Variants in MRPS27 observed in about 807,000 individuals in gnomAD.
MRPS27 encodes the protein small ribosomal subunit protein mS27.
MRPS27 carries 43 observed loss-of-function variants against 48.9 expected under a neutral mutation model. That is an observed-to-expected ratio of 0.88 (90% CI 0.69 to 1.13). The LOEUF is 1.13. Ranked by LOEUF, MRPS27 falls within the 50% of genes most tolerant of loss-of-function variation. The pLI, the probability that MRPS27 is intolerant of heterozygous loss-of-function variation, is 0.00. For synonymous variants in MRPS27, 188 were observed against 171.9 expected (o/e 1.09, Z -0.73); for missense variants, 467 against 476.3 (o/e 0.98, Z 0.18).
chr5:72,288,060 T>C (rs1192411370), intron 4 of MRPS27, among the ~76,000 whole-genome samples: 5 of 152,178 alleles, frequency 3.3e-5, no homozygotes, highest in African/African-American at 1.2e-4. Flanking sequence ...ATCTAAGGTA[T>C]GAGATCATTC....
intron 4 of MRPS27, among the ~76,000 whole-genome samples, chr5:72,249,782 C>G (rs113348475): frequency 0.011 from 1,661 of 152,028 alleles, 29 homozygotes; most frequent in African/African-American, 0.038. Flanking sequence ...GAGACAGAGA[C>G]CATCCTGGCT....
chr5:72,296,747 A>AG (rs1749992960), intron 3 of MRPS27, among the ~76,000 whole-genome samples: 2 of 152,216 alleles, frequency 1.3e-5, no homozygotes, highest in Non-Finnish European at 2.9e-5. Flanking sequence ...GATTCAAAAG[A>AG]AAGGTAATTT....
chr5:72,319,283 T>A (rs1008108873), intron 1 of MRPS27, among the ~76,000 whole-genome samples: 3 of 152,196 alleles, frequency 2.0e-5, no homozygotes, highest in African/African-American at 7.2e-5. Context: ...AGTTCAGATA[T>A]CAAAGTATTT....
At chr5:72,257,683 T>C (rs1748845406) in intron 4 of MRPS27, among the ~76,000 whole-genome samples, 1 of 152,088 alleles carries the variant, frequency 6.6e-6, no homozygotes, top group South Asian at 2.1e-4. Context: ...ATTGCAGACG[T>C]GGTGGTAAAA....
At chr5:72,267,317 ATAT>A in intron 4 of MRPS27, among the ~76,000 whole-genome samples, 3 of 152,220 alleles carry the variant, frequency 2.0e-5, no homozygotes, top group African/African-American at 4.8e-5. Context: ...AAATAAGTTC[ATAT>A]AACATATGAA....
At chr5:72,248,978 T>G (rs1269907222) in intron 4 of MRPS27, among the ~76,000 whole-genome samples, 2 of 152,204 alleles carry the variant, frequency 1.3e-5, no homozygotes, top group East Asian at 3.8e-4. Context: ...TACACTGAGT[T>G]CGAAGGGGTG....
chr5:72,270,338 C>G (rs1281163280), intron 4 of MRPS27, among the ~76,000 whole-genome samples: 1 of 150,748 alleles, frequency 6.6e-6, no homozygotes, highest in African/African-American at 2.4e-5. Flanking sequence ...AAGACAAGAC[C>G]AATAACCTAG....
chr5:72,296,884 C>T (rs1412972441), intron 3 of MRPS27, among the ~76,000 whole-genome samples: 1 of 152,110 alleles, frequency 6.6e-6, no homozygotes, highest in Non-Finnish European at 1.5e-5. Flanking sequence ...AAGATGCAAC[C>T]GTACCCATGC....
intron 2 of MRPS27, among the ~76,000 whole-genome samples, chr5:72,312,140 C>T (rs147820201): frequency 6.6e-6 from 1 of 152,178 alleles, no homozygotes; most frequent in African/African-American, 2.4e-5. Flanking sequence ...GTCTCAACAA[C>T]AATGACAATA....
intron 4 of MRPS27, among the ~76,000 whole-genome samples, chr5:72,259,661 G>T (rs1306886295): frequency 6.6e-6 from 1 of 151,952 alleles, no homozygotes; most frequent in Non-Finnish European, 1.5e-5. Flanking sequence ...TGGTATTCTG[G>T]TGTTTATTTG....
Position 72,220,751 on chromosome 5 carries a change from A to G in MRPS27, c.*158T>C. On this transcript the variant is annotated 3_prime_UTR_variant, in exon 11 of 11. Transcript: ENST00000261413. The stretch of plus-strand genomic sequence containing the variant: ...TTCCATAGCCCTTCTTGGCATCTCG[A>G]TGGGCAGTCATGGTGCCTTGCCATG... 9.2e-7 allele frequency: 1 copy of G among 1,081,188 alleles called. No homozygotes were observed. The highest frequency in any genetic ancestry group is 1.3e-6 in the Non-Finnish European group (1 of 751,692). The allele number at this position is 1,081,188 out of a possible 1,614,324, so 67.0% of individuals were successfully genotyped here. A position where few individuals can be genotyped will look rare whatever the true frequency, so the allele number is the denominator to read the frequency against.
chr5:72,291,016 A>G (rs1261852757), intron 4 of MRPS27, among the ~76,000 whole-genome samples: 3 of 152,206 alleles, frequency 2.0e-5, no homozygotes, highest in African/African-American at 7.2e-5. Context: ...GCACCCTGCC[A>G]GCGCTGGTCT....
chr5:72,278,044 T>C (rs1749425135), intron 4 of MRPS27, among the ~76,000 whole-genome samples: 1 of 152,154 alleles, frequency 6.6e-6, no homozygotes, highest in African/African-American at 2.4e-5. Flanking sequence ...CACATGTTTA[T>C]TTATGTAACA....
intron 6 of MRPS27, among the ~76,000 whole-genome samples, chr5:72,233,372 C>T (rs547501229): frequency 6.6e-6 from 1 of 152,202 alleles, no homozygotes; most frequent in African/African-American, 2.4e-5. Context: ...CAAACAATTT[C>T]CTTTCTGTAG....
chr5:72,310,690 AG>A (rs1385353812), intron 2 of MRPS27, among the ~76,000 whole-genome samples: 3 of 152,262 alleles, frequency 2.0e-5, no homozygotes, highest in Non-Finnish European at 2.9e-5. Context: ...AGATTGATTC[AG>A]GCTAAAGCCA....
rs1052305830 is a variant in MRPS27 at position 72,297,681 on chromosome 5, T to C, written c.173A>G (p.Asp58Gly). Reference sequence around the variant, plus strand: ...AGGCAACTTTCTCTCAAATGTTTTATCCATTAAAGATGCAAGATCAGCTGT... The same window carrying C: ...AGGCAACTTTCTCTCAAATGTTTTACCCATTAAAGATGCAAGATCAGCTGT... Reference protein sequence around the residue: ...YCLADLASLMDKTFERKLPVS... With the variant: ...YCLADLASLMGKTFERKLPVS... Residue 58 changes from aspartate (D) to glycine (G), a missense_variant, in exon 3 of 11, where the codon GAT (aspartate) becomes GGT (glycine). Asp to Gly is a moderately conservative substitution (Grantham distance 94, BLOSUM62 -1). Coordinates refer to ENST00000261413, the MANE Select transcript of MRPS27 (RefSeq NM_015084.3). 3 of 1,601,628 alleles carry C rather than the reference T, an allele frequency of 1.9e-6. No homozygotes were observed. The highest frequency in any genetic ancestry group is 3.4e-5 in the Admixed American group (2 of 58,808).
chr5:72,317,395 A>T (rs1750591925), intron 1 of MRPS27, among the ~76,000 whole-genome samples: 2 of 152,222 alleles, frequency 1.3e-5, no homozygotes, highest in South Asian at 4.1e-4. Context: ...CGTTTTGGAA[A>T]TGGAGTTTCG....
chr5:72,250,529 T>G (rs953042242), intron 4 of MRPS27, among the ~76,000 whole-genome samples: 9 of 152,216 alleles, frequency 5.9e-5, no homozygotes, highest in Non-Finnish European at 1.0e-4. Context: ...CTAATTGCAC[T>G]GCCACCAGGT....
rs149765154 is a variant in MRPS27, at chr5:72,293,017, T to C, written c.281+2514A>G. ...TCATAATGATTGAAGGCCTAACTGG[T>C]AGAAATATTACACAGCAGTAAGTCC... On this transcript the variant is annotated intron_variant, in intron 4 of 10. Transcript: ENST00000261413. 7.1e-3 allele frequency among the ~76,000 whole-genome samples: 1,075 copies of C among 152,334 alleles called. 6 individuals are homozygous for C. The highest frequency in any genetic ancestry group is 0.013 in the South Asian group (65 of 4,828).
Sources: allele counts gnomAD v4.1 joint callset (sites outside exome capture counted in the v4.1 genomes callset), GRCh38; gene constraint gnomAD v4.1.1; transcripts MANE v1.5; gene names NCBI Gene and HGNC (gene_info 2026-07-23, HGNC 2026-07-21).